The following FILIP1L variants were observed in gnomAD, a reference collection of about 807,000 sequenced individuals.
FILIP1L encodes the protein filamin A interacting protein 1 like.
Under a neutral mutation model 96.6 loss-of-function variants are expected in FILIP1L, and 55 were observed. The ratio of observed to expected loss-of-function variants is 0.57; its 90% CI spans 0.46 to 0.71. The LOEUF (loss-of-function observed/expected upper bound fraction) is 0.71, where lower values mean the gene tolerates loss of function less well. Ranked by LOEUF, FILIP1L falls within the 30% of genes least tolerant of loss-of-function variation. The pLI, the probability that FILIP1L is intolerant of heterozygous loss-of-function variation, is 0.00. For synonymous variants in FILIP1L, 467 were observed against 473.9 expected, an observed-to-expected ratio of 0.99 and a Z score of 0.19; for missense variants, 1,304 against 1,321.2, an observed-to-expected ratio of 0.99 and a Z score of 0.20.
At chr3:100,101,722 A>G (rs2066308875) in intron 1 of FILIP1L, among the ~76,000 whole-genome samples, 1 of 151,974 alleles carries the variant, frequency 6.6e-6, no homozygotes, top group East Asian at 1.9e-4. Context: ...TGCACCCATT[A>G]ACTCATCATT....
rs745924720 is a variant in FILIP1L at position 99,849,759 on chromosome 3, T to A, written c.1917A>T (p.Leu639=). The part of the protein sequence containing the change: ...SQEVERLKLK[L]KDMKAIEDDL... ...CATCCTCAATGGCTTTCATGTCCTT[T>A]AGCTTCAGTTTCAGTCTTTCCACTT... The change falls in exon 5 of 6, where the codon CTA becomes CTT. Residue 639 remains leucine (L), a synonymous_variant. Coordinates refer to ENST00000477258, the MANE Select transcript of FILIP1L (RefSeq NM_001387850.1). The A allele has an allele frequency of 1.9e-6, 3 of 1,613,716 alleles. No individual in the cohort carries two copies. The East Asian group carries it at 6.7e-5, about 36-fold the overall frequency.
intron 1 of FILIP1L, among the ~76,000 whole-genome samples, chr3:100,104,423 T>C (rs1458161082): frequency 1.3e-5 from 2 of 152,194 alleles, no homozygotes; most frequent in Non-Finnish European, 2.9e-5. Context: ...ACCCACACTT[T>C]GTTTGAGATA....
intron 1 of FILIP1L, among the ~76,000 whole-genome samples, chr3:100,018,448 T>C (rs1710408335): frequency 6.6e-6 from 1 of 152,232 alleles, no homozygotes; most frequent in South Asian, 2.1e-4. Context: ...GAGAGGGCCC[T>C]TCAAAGTCAG....
chr3:99,967,286 A>C (rs1398659977), intron 1 of FILIP1L, among the ~76,000 whole-genome samples: 1 of 152,194 alleles, frequency 6.6e-6, no homozygotes, highest in Admixed American at 6.5e-5. Context: ...TCATGAGGTT[A>C]TTTAGAGGAT....
intron 4 of FILIP1L, 56 bp downstream of exon 4, chr3:99,924,174 C>A: frequency 7.0e-7 from 1 of 1,421,216 alleles, no homozygotes; most frequent in Non-Finnish European, 9.8e-7. Context: ...AGACCTGGTA[C>A]AGTGGCCAGC....
At chr3:99,870,926 C>T (rs1469594162) in intron 4 of FILIP1L, among the ~76,000 whole-genome samples, 1 of 152,190 alleles carries the variant, frequency 6.6e-6, no homozygotes, top group Non-Finnish European at 1.5e-5. Flanking sequence ...TCATTAACCA[C>T]TGCACTGTGT....
chr3:100,095,828 A>G (rs1419267543), intron 1 of FILIP1L, among the ~76,000 whole-genome samples: 9 of 152,176 alleles, frequency 5.9e-5, no homozygotes, highest in Non-Finnish European at 1.2e-4. Flanking sequence ...AACAAAGTGA[A>G]GAGAAACCCA....
intron 1 of FILIP1L, among the ~76,000 whole-genome samples, chr3:99,986,378 C>T (rs2107114376): frequency 6.6e-6 from 1 of 152,182 alleles, no homozygotes; most frequent in East Asian, 1.9e-4. Flanking sequence ...ATGTGTGCTT[C>T]AGGGGGTTTT....
Position 99,874,008 on chromosome 3 carries a change from G to C in FILIP1L, c.606-22938C>G, listed in dbSNP as rs542786154. Among the ~76,000 whole-genome samples, 3 of 152,332 alleles carry C rather than the reference G, an allele frequency of 2.0e-5. No homozygotes were observed. In the South Asian group the frequency reaches 6.2e-4, roughly 32 times the overall value. Reference sequence around the variant, plus strand: ...AGGACTAAGAAATTGCTCATCCAAAGAGCCCAGTGTGAGATAGGGTATCCA... The same window carrying C: ...AGGACTAAGAAATTGCTCATCCAAACAGCCCAGTGTGAGATAGGGTATCCA... On this transcript the variant is annotated intron_variant, in intron 4 of 5. Transcript: ENST00000477258.
rs191265397 is a variant in FILIP1L, at chr3:99,848,385, G to C, written c.3291C>G (p.Asn1097Lys). Residue 1097 changes from asparagine to lysine, a missense_variant, in exon 5 of 6, where the codon AAC (asparagine) becomes AAG (lysine). Transcript: ENST00000477258. ...LQDNRTQGLI[N>K]GALNKTTNKV... ...TATTGGTTGTTTTGTTTAGTGCCCCGTTAATTAAGCCTTGAGTTCGGTTAT... is the reference window on the plus strand; with the variant it reads ...TATTGGTTGTTTTGTTTAGTGCCCCCTTAATTAAGCCTTGAGTTCGGTTAT... 18 of 1,614,168 alleles carry C rather than the reference G, an allele frequency of 1.1e-5. No individual in the cohort carries two copies. In the East Asian group the frequency reaches 4.0e-4, roughly 36 times the overall value.
intron 1 of FILIP1L, among the ~76,000 whole-genome samples, chr3:99,948,787 G>A (rs941595538): frequency 2.0e-5 from 3 of 151,376 alleles, no homozygotes; most frequent in Non-Finnish European, 2.9e-5. Context: ...AGAAAGGAAA[G>A]AAAAAGAGAA....
In FILIP1L at chr3:99,930,808, G is replaced by A; in HGVS notation, c.213C>T (p.Asp71=). Residue 71 remains aspartate (D), a synonymous_variant, in exon 2 of 6, where the codon GAC becomes GAT. Transcript: ENST00000477258. ...CCAGAATGCTGAGGAGAAATAACAG[G>A]TCATCTCTTGAGAGGTCTTCTGCTT... ...GHQAEDLSRD[D]LLFLLSILEG... 1 of 1,612,990 alleles carries A rather than the reference G, an allele frequency of 6.2e-7. No homozygotes were observed. The highest frequency in any genetic ancestry group is 8.5e-7 in the Non-Finnish European group (1 of 1,179,768).
Position 99,993,298 on chromosome 3 carries a change from GT to G in FILIP1L, c.-10-62269del, listed in dbSNP as rs1186257726. Among the ~76,000 whole-genome samples, 13 of 151,712 alleles carry G rather than the reference GT, an allele frequency of 8.6e-5. No homozygotes were observed. The East Asian group carries it at 2.5e-3, about 29-fold the overall frequency. ...TATGAGCATGGATGTTTTTTCATTTGTTTATGTCATCTACAACTTCTTTCAG... is the reference window on the plus strand; with the variant it reads ...TATGAGCATGGATGTTTTTTCATTTGTTATGTCATCTACAACTTCTTTCAG... On this transcript the variant is annotated intron_variant, in intron 1 of 5. Transcript: ENST00000477258.
At chr3:99,863,108 A>G (rs941609816) in intron 4 of FILIP1L, among the ~76,000 whole-genome samples, 2 of 152,160 alleles carry the variant, frequency 1.3e-5, no homozygotes, top group Admixed American at 6.5e-5. Context: ...CAGTTTTTCC[A>G]TGGACATGGG....
chr3:100,102,366 G>T (rs2066324902), intron 1 of FILIP1L, among the ~76,000 whole-genome samples: 1 of 152,174 alleles, frequency 6.6e-6, no homozygotes, highest in Non-Finnish European at 1.5e-5. Context: ...TTTCTCGGGT[G>T]TTAAGAGGAT....
intron 1 of FILIP1L, among the ~76,000 whole-genome samples, chr3:100,111,927 A>C (rs1203027464): frequency 6.6e-6 from 1 of 152,208 alleles, no homozygotes; most frequent in Non-Finnish European, 1.5e-5. Context: ...ACACAGATTC[A>C]AATCACTAGT....
chr3:99,917,272 A>G (rs1028587684), intron 4 of FILIP1L, among the ~76,000 whole-genome samples: 1 of 152,212 alleles, frequency 6.6e-6, no homozygotes, highest in African/African-American at 2.4e-5. Flanking sequence ...GTGCCACAGA[A>G]TGAACACCTG....
rs183498831 is a variant in FILIP1L, at chr3:100,107,247, T to A, written c.-11+6806A>T. 2.5e-3 allele frequency among the ~76,000 whole-genome samples: 382 copies of A among 152,276 alleles called. 4 individuals are homozygous for A. Among genetic ancestry groups the A allele is most frequent in the African/African-American group, 8.8e-3 (365 of 41,580 alleles). ...TGAACTGTCCAGATGTAGATGGGAATATAATAATAGAATTCTATGCTGAAA... is the reference window on the plus strand; with the variant it reads ...TGAACTGTCCAGATGTAGATGGGAAAATAATAATAGAATTCTATGCTGAAA... On this transcript the variant is annotated intron_variant, in intron 1 of 5. Coordinates refer to ENST00000477258, the MANE Select transcript of FILIP1L (RefSeq NM_001387850.1).
At chr3:99,915,618 G>C (rs954848299) in intron 4 of FILIP1L, among the ~76,000 whole-genome samples, 5 of 151,768 alleles carry the variant, frequency 3.3e-5, no homozygotes, top group Non-Finnish European at 5.9e-5. Context: ...GAAGAAATGA[G>C]TCTTAATGGT....
Sources: gnomAD v4.1 joint callset for allele counts (sites outside exome capture counted in the v4.1 genomes callset) on GRCh38, gnomAD v4.1.1 for gene constraint, MANE v1.5 for transcripts, NCBI Gene and HGNC (gene_info 2026-07-23, HGNC 2026-07-21) for gene names.